Variants in ST6GALNAC5 observed in about 807,000 individuals in gnomAD.
The protein encoded by ST6GALNAC5 is ST6 N-acetylgalactosaminide alpha-2,6-sialyltransferase 5.
A neutral mutation model predicts 33.6 loss-of-function variants in ST6GALNAC5; 27 were observed. That is an observed-to-expected ratio of 0.80 (90% CI 0.59 to 1.11). ST6GALNAC5 has a LOEUF of 1.11. Ranked by LOEUF, ST6GALNAC5 falls within the 50% of genes least tolerant of loss-of-function variation. The pLI is 0.00. For missense variants in ST6GALNAC5, 428 were observed against 454.0 expected (o/e 0.94, Z 0.52); for synonymous variants, 194 against 171.2 (o/e 1.13, Z -1.04).
intron 2 of ST6GALNAC5, among the ~76,000 whole-genome samples, chr1:76,964,283 T>C (rs1648366230): frequency 6.6e-6 from 1 of 152,180 alleles, no homozygotes; most frequent in Admixed American, 6.5e-5. Context: ...ATCTTACGGA[T>C]TTCCCTGCTT....
chr1:76,978,473 T>G (rs1466691590), intron 2 of ST6GALNAC5, among the ~76,000 whole-genome samples: 1 of 152,222 alleles, frequency 6.6e-6, no homozygotes, highest in African/African-American at 2.4e-5. Flanking sequence ...TGGTTCAATA[T>G]ATGGAAGTTA....
At chr1:76,928,217 G>T (rs1647103890) in intron 2 of ST6GALNAC5, among the ~76,000 whole-genome samples, 1 of 152,088 alleles carries the variant, frequency 6.6e-6, no homozygotes, top group African/African-American at 2.4e-5. Flanking sequence ...TAAGACCAGG[G>T]AATAGAACAT....
At chr1:77,007,789 C>T (rs1650480040) in intron 2 of ST6GALNAC5, among the ~76,000 whole-genome samples, 1 of 152,226 alleles carries the variant, frequency 6.6e-6, no homozygotes, top group Non-Finnish European at 1.5e-5. Context: ...GGGCAAAAGC[C>T]ACAATTACTT....
chr1:77,020,021 G>T (rs1312192052), intron 2 of ST6GALNAC5, among the ~76,000 whole-genome samples: 5 of 152,114 alleles, frequency 3.3e-5, no homozygotes, highest in African/African-American at 1.2e-4. Flanking sequence ...TGTCAGACTG[G>T]TTTTTTATTA....
At chr1:77,062,004 T>C (rs540060655) in intron 4 of ST6GALNAC5, among the ~76,000 whole-genome samples, 7 of 152,344 alleles carry the variant, frequency 4.6e-5, no homozygotes, top group African/African-American at 1.7e-4. Context: ...TCTTGTTTGC[T>C]GTCTTCCTTT....
chr1:76,953,429 G>A (rs750822055), intron 2 of ST6GALNAC5, among the ~76,000 whole-genome samples: 1 of 152,102 alleles, frequency 6.6e-6, no homozygotes, highest in East Asian at 1.9e-4. Context: ...AATGGATAAC[G>A]ACGTTGGACA....
chr1:76,926,527 G>A (rs920540300), intron 2 of ST6GALNAC5, among the ~76,000 whole-genome samples: 1 of 152,248 alleles, frequency 6.6e-6, no homozygotes, highest in South Asian at 2.1e-4. Context: ...TTTAATTGTT[G>A]CAGAGAATTT....
intron 3 of ST6GALNAC5, among the ~76,000 whole-genome samples, chr1:77,048,579 G>C (rs1463656405): frequency 6.6e-6 from 1 of 152,170 alleles, no homozygotes; most frequent in Non-Finnish European, 1.5e-5. Flanking sequence ...TAATACCTAT[G>C]TAGGCTGAAG....
intron 2 of ST6GALNAC5, among the ~76,000 whole-genome samples, chr1:77,016,832 T>C (rs549906508): frequency 2.0e-5 from 3 of 152,334 alleles, no homozygotes; most frequent in Non-Finnish European, 2.9e-5. Context: ...GAAATTAGAA[T>C]CTTCAACAAC....
intron 2 of ST6GALNAC5, among the ~76,000 whole-genome samples, chr1:76,951,760 C>G (rs1304232873): frequency 6.6e-6 from 1 of 152,004 alleles, no homozygotes; most frequent in Non-Finnish European, 1.5e-5. Context: ...GTTCAGTATT[C>G]TTTGTTCTAA....
intron 2 of ST6GALNAC5, among the ~76,000 whole-genome samples, chr1:76,970,518 A>G (rs1648704239): frequency 1.3e-5 from 2 of 152,108 alleles, no homozygotes. Flanking sequence ...AAAAGAGTAA[A>G]AAGAAATGAA....
intron 2 of ST6GALNAC5, among the ~76,000 whole-genome samples, chr1:76,981,676 T>A (rs1649257259): frequency 6.6e-6 from 1 of 152,186 alleles, no homozygotes; most frequent in South Asian, 2.1e-4. Flanking sequence ...ATGGACAGAC[T>A]GCCTCCTCAA....
chr1:76,959,721 G>A (rs998770278), intron 2 of ST6GALNAC5, among the ~76,000 whole-genome samples: 1 of 152,220 alleles, frequency 6.6e-6, no homozygotes, highest in Non-Finnish European at 1.5e-5. Flanking sequence ...AGATGCTTCA[G>A]AACAGCTTTA....
Position 76,868,417 on chromosome 1 carries a change from G to A in ST6GALNAC5, c.16-80G>A. 5.3e-6 allele frequency: 8 copies of A among 1,521,530 alleles called. No individual in the cohort carries two copies. Among genetic ancestry groups the A allele is most frequent in the South Asian group, 2.6e-5 (2 of 76,946 alleles). The allele number at this position is 1,521,530 out of a possible 1,614,324, so 94.3% of individuals were successfully genotyped here. On this transcript the variant is annotated intron_variant, in intron 1 of 4. Coordinates refer to ENST00000477717, the MANE Select transcript of ST6GALNAC5 (RefSeq NM_030965.3). This position sits in a 1 kb window ranked among gnomAD's most constrained non-coding sequence, Gnocchi z 4.3. The stretch of plus-strand genomic sequence containing the variant: ...AATCTCCCCCACTAGAGTGACCACC[G>A]CACAGTTGTCCCCGCTGGGCGCGCT...
At chr1:77,045,918 G>C (rs1367539116) in intron 3 of ST6GALNAC5, among the ~76,000 whole-genome samples, 7 of 152,216 alleles carry the variant, frequency 4.6e-5, no homozygotes, top group African/African-American at 1.7e-4. Flanking sequence ...CTCTAGTTGT[G>C]AGGGCCTGGA....
chr1:77,015,086 C>T, intron 2 of ST6GALNAC5, among the ~76,000 whole-genome samples: 1 of 63,418 alleles, frequency 1.6e-5, no homozygotes, highest in Non-Finnish European at 3.0e-5. Context: ...CACACACACA[C>T]ATGGAGCTTT....
At chr1:76,934,992 G>T (rs755814045) in intron 2 of ST6GALNAC5, among the ~76,000 whole-genome samples, 1 of 151,888 alleles carries the variant, frequency 6.6e-6, no homozygotes, top group Non-Finnish European at 1.5e-5. Context: ...AATTTTACTT[G>T]GCTTAATTAC....
chr1:76,958,440 T>C (rs1442221060), intron 2 of ST6GALNAC5, among the ~76,000 whole-genome samples: 2 of 152,180 alleles, frequency 1.3e-5, no homozygotes, highest in Non-Finnish European at 2.9e-5. Context: ...AAGTTTTATA[T>C]TGACTTTGTG....
intron 2 of ST6GALNAC5, among the ~76,000 whole-genome samples, chr1:76,985,453 G>A (rs1289167339): frequency 6.6e-6 from 1 of 152,074 alleles, no homozygotes; most frequent in Non-Finnish European, 1.5e-5. Flanking sequence ...CAACTTACAA[G>A]GGATGTGAAG....
Sources: gnomAD v4.1 joint callset for allele counts (sites outside exome capture counted in the v4.1 genomes callset) on GRCh38, gnomAD v4.1.1 for gene constraint, Gnocchi (gnomAD v3.1) non-coding constraint, MANE v1.5 for transcripts, NCBI Gene and HGNC (gene_info 2026-07-23, HGNC 2026-07-21) for gene names.